The following WWOX variants were observed in gnomAD, a reference collection of about 807,000 sequenced individuals.
The protein encoded by WWOX is WW domain containing oxidoreductase.
In WWOX, 69 loss-of-function variants were observed where a neutral mutation model predicts 46.2. The ratio of observed to expected loss-of-function variants is 1.49; its 90% CI spans 1.23 to 1.82. The LOEUF (loss-of-function observed/expected upper bound fraction) is 1.82. WWOX is among the 40% of genes most tolerant of loss of function. The pLI is 0.00. For missense variants in WWOX, 919 were observed against 542.6 expected (o/e 1.69, Z -6.89); for synonymous variants, 359 against 202.6 (o/e 1.77, Z -6.56).
Position 78,794,126 on chromosome 16 carries a change from C to G in WWOX, c.1056+361374C>G, listed in dbSNP as rs565231242. Among the ~76,000 whole-genome samples the G allele has an allele frequency of 2.6e-5, 4 of 152,168 alleles. No homozygotes were observed. In the South Asian group the frequency reaches 6.2e-4, roughly 24 times the overall value. On this transcript the variant is annotated intron_variant, in intron 8 of 8. Coordinates refer to ENST00000566780, the MANE Select transcript of WWOX (RefSeq NM_016373.4). ...GATGATTTGGACATGAAGACAGAGC[C>G]TGCATAATTGCATGAGTGCCCTTAT... is the stretch of plus-strand genomic sequence containing the variant.
chr16:79,175,887 C>T (rs1047378992), intron 8 of WWOX, among the ~76,000 whole-genome samples: 2 of 152,172 alleles, frequency 1.3e-5, no homozygotes, highest in Non-Finnish European at 2.9e-5. Flanking sequence ...CAGCCACATC[C>T]TTTCACACCT....
intron 4 of WWOX, among the ~76,000 whole-genome samples, chr16:78,137,401 C>A (rs2033833110): frequency 6.6e-6 from 1 of 152,148 alleles, no homozygotes; most frequent in South Asian, 2.1e-4. Context: ...AAAATGGGAA[C>A]CATGACGTCA....
chr16:78,583,363 T>C (rs1481060064), intron 8 of WWOX, among the ~76,000 whole-genome samples: 3 of 152,196 alleles, frequency 2.0e-5, no homozygotes, highest in Admixed American at 6.5e-5. Flanking sequence ...ATTTGCTTCA[T>C]GTACCCATTC....
chr16:78,870,141 C>T (rs80194026), intron 8 of WWOX, among the ~76,000 whole-genome samples: 6,050 of 152,254 alleles, frequency 0.04, 437 homozygotes, highest in African/African-American at 0.14. Context: ...AATCCTCAAA[C>T]AGGAAGGGGG....
intron 8 of WWOX, among the ~76,000 whole-genome samples, chr16:78,618,509 G>C (rs1439706825): frequency 6.6e-6 from 1 of 152,070 alleles, no homozygotes; most frequent in East Asian, 1.9e-4. Context: ...GGTCATATTG[G>C]ATTAGGGTCC....
intron 8 of WWOX, among the ~76,000 whole-genome samples, chr16:78,609,400 G>C (rs552992724): frequency 6.6e-6 from 1 of 151,964 alleles, no homozygotes. Flanking sequence ...TTCCCCACCA[G>C]GAGAGTGGAA....
intron 5 of WWOX, among the ~76,000 whole-genome samples, chr16:78,177,940 AAAT>A (rs934614687): frequency 2.2e-4 from 34 of 152,348 alleles, no homozygotes; most frequent in Admixed American, 2.2e-3. Flanking sequence ...CAAAGGCTAA[AAAT>A]AATCATCCCT....
intron 5 of WWOX, among the ~76,000 whole-genome samples, chr16:78,219,033 C>T (rs2036809099): frequency 1.3e-5 from 2 of 152,180 alleles, no homozygotes; most frequent in African/African-American, 4.8e-5. Flanking sequence ...GGACTAAAGT[C>T]ATGTGCAATT....
At chr16:78,189,243 G>C (rs986962659) in intron 5 of WWOX, among the ~76,000 whole-genome samples, 3 of 152,184 alleles carry the variant, frequency 2.0e-5, no homozygotes, top group African/African-American at 7.2e-5. Flanking sequence ...TTAACAGCAA[G>C]ATCTTCAGAG....
intron 8 of WWOX, among the ~76,000 whole-genome samples, chr16:79,148,814 ACTTCTACATATATC>A (rs376815529): frequency 0.042 from 6,325 of 152,124 alleles, 306 homozygotes; most frequent in African/African-American, 0.12. Flanking sequence ...TTTAATTCCA[ACTTCTACATATATC>A]TAGAAATATG....
intron 8 of WWOX, among the ~76,000 whole-genome samples, chr16:78,558,760 C>A (rs910014662): frequency 6.6e-6 from 1 of 152,226 alleles, no homozygotes; most frequent in Admixed American, 6.5e-5. Context: ...AAGGCCTGGC[C>A]TTTGTGTTGT....
chr16:78,615,637 C>T (rs768936361), intron 8 of WWOX, among the ~76,000 whole-genome samples: 2 of 151,466 alleles, frequency 1.3e-5, no homozygotes, highest in Non-Finnish European at 2.9e-5. Context: ...GTCTGGGCAA[C>T]AGAGCAAGAC....
At chr16:78,764,166 C>A (rs191871819) in intron 8 of WWOX, among the ~76,000 whole-genome samples, 3 of 152,248 alleles carry the variant, frequency 2.0e-5, no homozygotes, top group Admixed American at 1.3e-4. Flanking sequence ...CTGTACTCAG[C>A]AGGTTACAGG....
intron 8 of WWOX, among the ~76,000 whole-genome samples, chr16:78,731,595 G>T (rs2048970083): frequency 6.6e-6 from 1 of 151,972 alleles, no homozygotes; most frequent in Middle Eastern, 3.4e-3. Flanking sequence ...TTTCGGTTGT[G>T]AAGATCAGTA....
At chr16:78,202,970 T>G (rs2151777831) in intron 5 of WWOX, among the ~76,000 whole-genome samples, 1 of 152,330 alleles carries the variant, frequency 6.6e-6, no homozygotes, top group East Asian at 1.9e-4. Flanking sequence ...GTTTCAGTAG[T>G]ACCAGTTCCT....
At chr16:78,687,815 T>TA (rs1296013071) in intron 8 of WWOX, among the ~76,000 whole-genome samples, 1 of 152,196 alleles carries the variant, frequency 6.6e-6, no homozygotes, top group Non-Finnish European at 1.5e-5. Flanking sequence ...TATTATTTAG[T>TA]AATCCCTGAA....
intron 8 of WWOX, among the ~76,000 whole-genome samples, chr16:79,019,828 G>T (rs1473741008): frequency 6.6e-6 from 1 of 152,156 alleles, no homozygotes; most frequent in East Asian, 1.9e-4. Flanking sequence ...TTTCTAGCTG[G>T]TCATTTCAAC....
At chr16:78,873,183 G>C (rs1258630777) in intron 8 of WWOX, 1 of 152,122 alleles carries the variant, frequency 6.6e-6, no homozygotes, top group Non-Finnish European at 1.5e-5. Context: ...AAAAATTTGA[G>C]TCGTGCACTT....
At chr16:78,757,450 T>C (rs2049682734) in intron 8 of WWOX, among the ~76,000 whole-genome samples, 1 of 152,176 alleles carries the variant, frequency 6.6e-6, no homozygotes. Flanking sequence ...GTTAGTGGTG[T>C]GATGTGTTTG....
Sources: gnomAD v4.1 joint callset for allele counts (sites outside exome capture counted in the v4.1 genomes callset) on GRCh38, gnomAD v4.1.1 for gene constraint, MANE v1.5 for transcripts, NCBI Gene and HGNC (gene_info 2026-07-23, HGNC 2026-07-21) for gene names.